PCMTD1: variants seen among roughly 807,000 people sequenced by gnomAD.
The protein encoded by PCMTD1 is protein-L-isoaspartate O-methyltransferase domain-containing protein 1.
PCMTD1 carries 12 observed loss-of-function variants against 37.6 expected under a neutral mutation model. That is an observed-to-expected ratio of 0.32 (90% CI 0.20 to 0.52). PCMTD1 has a LOEUF of 0.52. PCMTD1 is among the 20% of genes least tolerant of loss of function. The probability of loss-of-function intolerance (pLI) is 0.97; values close to 1 mark genes in which losing one functional copy is unlikely to be tolerated. For missense variants in PCMTD1, 235 were observed against 421.3 expected, an observed-to-expected ratio of 0.56 and a Z score of 3.87; for synonymous variants, 117 against 135.8, an observed-to-expected ratio of 0.86 and a Z score of 0.96.
chr8:51,895,939 T>G (rs1178385836), intron 1 of PCMTD1: 2 of 14,780 alleles, frequency 1.4e-4, no homozygotes, highest in East Asian at 3.0e-3. Flanking sequence ...GTCCCATTTC[T>G]TTTTTTTTTT....
At chr8:51,887,167 C>T (rs2038875941) in intron 1 of PCMTD1, among the ~76,000 whole-genome samples, 1 of 152,134 alleles carries the variant, frequency 6.6e-6, no homozygotes, top group African/African-American at 2.4e-5. Context: ...AACTTTAATT[C>T]ATCTGCAACC....
At chr8:51,861,501 C>T (rs370286208) in intron 1 of PCMTD1, among the ~76,000 whole-genome samples, 8 of 152,044 alleles carry the variant, frequency 5.3e-5, no homozygotes, top group Non-Finnish European at 7.4e-5. Context: ...CACCTAGTAC[C>T]GTGAAGCCCA....
At position 51,838,697 on chromosome 8, in the gene PCMTD1, T is replaced by C. The variant is rs1239839633; in HGVS notation, c.411-5008A>G. ...CCTTGACTATCTTCTGAAAACTGTA[T>C]GTTACCTAAGTTTCCATAAACCTAT... On this transcript the variant is annotated intron_variant, in intron 3 of 5. Coordinates refer to ENST00000522514, the MANE Select transcript of PCMTD1 (RefSeq NM_052937.4). 5.9e-5 allele frequency among the ~76,000 whole-genome samples: 9 copies of C among 152,278 alleles called. No individual in the cohort carries two copies. In the East Asian group the frequency reaches 1.7e-3, roughly 29 times the overall value.
chr8:51,842,306 A>G (rs1472155742), intron 3 of PCMTD1, among the ~76,000 whole-genome samples: 2 of 152,080 alleles, frequency 1.3e-5, no homozygotes, highest in African/African-American at 4.8e-5. Context: ...AAACACAGGA[A>G]TCAAGCTCTA....
intron 1 of PCMTD1, among the ~76,000 whole-genome samples, chr8:51,880,813 C>T (rs1039822256): frequency 6.6e-6 from 1 of 152,218 alleles, no homozygotes; most frequent in Non-Finnish European, 1.5e-5. Context: ...GTTTCTGTCC[C>T]AACTACTGAA....
rs776012249 is a variant in PCMTD1, at chr8:51,845,644, T to C, written c.410+17A>G. Reference sequence around the variant, plus strand: ...ATTAAGTGATTTTAAACCAAAACTATAGATATGAATACTTACTTATCAAAG... The same window carrying C: ...ATTAAGTGATTTTAAACCAAAACTACAGATATGAATACTTACTTATCAAAG... On this transcript the variant is annotated intron_variant, in intron 3 of 5. Transcript: ENST00000522514. 3.4e-5 allele frequency: 54 copies of C among 1,573,486 alleles called. No homozygotes were observed. In the East Asian group the frequency reaches 8.3e-4, roughly 24 times the overall value.
chr8:51,821,618 AT>A (rs1281090489), intron 5 of PCMTD1, among the ~76,000 whole-genome samples: 1 of 152,256 alleles, frequency 6.6e-6, no homozygotes, highest in Non-Finnish European at 1.5e-5. Context: ...CCCTGCACTT[AT>A]GCAACTTGCA....
chr8:51,897,960 A>G (rs2039031828), intron 1 of PCMTD1, among the ~76,000 whole-genome samples: 1 of 152,098 alleles, frequency 6.6e-6, no homozygotes, highest in African/African-American at 2.4e-5. Flanking sequence ...AATCCTGAAT[A>G]ACTACCCACC....
intron 2 of PCMTD1, among the ~76,000 whole-genome samples, chr8:51,858,052 G>A (rs1318205394): frequency 6.6e-6 from 1 of 152,132 alleles, no homozygotes; most frequent in East Asian, 1.9e-4. Context: ...TACTCTCACT[G>A]AATTCGTGTT....
chr8:51,853,220 T>G (rs1190840945), intron 2 of PCMTD1, among the ~76,000 whole-genome samples: 2 of 152,190 alleles, frequency 1.3e-5, no homozygotes, highest in African/African-American at 4.8e-5. Flanking sequence ...GGAGGGTAGA[T>G]GGACTGACCC....
chr8:51,831,559 C>T lies in PCMTD1; in HGVS notation c.591G>A (p.Gln197=), dbSNP rs1316570641. ...AAGTGTTCTGTCCAGTTCGCATAAT[C>T]TGTGTTAACTATTTAGAGAAAAAAA... The part of the protein sequence containing the change: ...LVMPIEDQLT[Q]IMRTGQNTWE... The change falls in exon 5 of 6, where the codon CAG becomes CAA. Residue 197 remains glutamine (Q), a synonymous_variant. Coordinates refer to ENST00000522514, the MANE Select transcript of PCMTD1 (RefSeq NM_052937.4). 1 of 1,610,554 alleles carries T rather than the reference C, an allele frequency of 6.2e-7. No individual in the cohort carries two copies. The highest frequency in any genetic ancestry group is 2.2e-5 in the East Asian group (1 of 44,782).
In PCMTD1 at chr8:51,895,934, A is replaced by ATTTTTTTTT. The variant is rs1563367741; in HGVS notation, c.-96+2995_-96+2996insAAAAAAAAA. ...CTTTATTAATGTTAGTATTTGTCCC[A>ATTTTTTTTT]TTTCTTTTTTTTTTTTTTTTTTTTT... is the stretch of plus-strand genomic sequence containing the variant. On this transcript the variant is annotated intron_variant, in intron 1 of 5. Coordinates refer to ENST00000522514, the MANE Select transcript of PCMTD1 (RefSeq NM_052937.4). 4 of 116,670 alleles carry ATTTTTTTTT rather than the reference A, an allele frequency of 3.4e-5. 2 individuals are homozygous for ATTTTTTTTT. 7.2% of individuals were successfully genotyped at this position (116,670 alleles called of 1,614,324 possible).
chr8:51,898,367 G>A (rs1313186802), intron 1 of PCMTD1, among the ~76,000 whole-genome samples: 3 of 152,156 alleles, frequency 2.0e-5, no homozygotes, highest in Middle Eastern at 3.4e-3. Context: ...GGTAGTAGAC[G>A]CTCAAAAACA....
At position 51,867,005 on chromosome 8, in the gene PCMTD1, T is replaced by A. The variant is rs79616619; in HGVS notation, c.-95-5759A>T. ...ATTCAAAATATAAAATGAACTCAAC[T>A]GAATAGCAAGAAAACAAATATGCCA... On this transcript the variant is annotated intron_variant, in intron 1 of 5. Coordinates refer to ENST00000522514, the MANE Select transcript of PCMTD1 (RefSeq NM_052937.4). Among the ~76,000 whole-genome samples, 1,256 of 152,074 alleles carry A rather than the reference T, an allele frequency of 8.3e-3. 14 individuals are homozygous for A. Among genetic ancestry groups the A allele is most frequent in the East Asian group, 0.048 (247 of 5,172 alleles).
chr8:51,817,685 C>T lies in PCMTD1; in HGVS notation c.*2666G>A, dbSNP rs1400047150. On this transcript the variant is annotated 3_prime_UTR_variant, in exon 6 of 6. Transcript: ENST00000522514. Reference sequence around the variant, plus strand: ...CATCTCAAACAGCTATAAATCAACACACTTTTTGTATTTTATTTTACTACT... The same window carrying T: ...CATCTCAAACAGCTATAAATCAACATACTTTTTGTATTTTATTTTACTACT... The T allele has an allele frequency of 1.5e-5, 4 of 265,410 alleles. No individual in the cohort carries two copies. The highest frequency in any genetic ancestry group is 3.0e-5 in the Non-Finnish European group (4 of 133,916). The allele number at this position is 265,410 out of a possible 1,614,324, so 16.4% of individuals were successfully genotyped here.
Position 51,868,938 on chromosome 8 carries a change from G to A in PCMTD1, c.-95-7692C>T, listed in dbSNP as rs377591701. 2.6e-5 allele frequency among the ~76,000 whole-genome samples: 4 copies of A among 152,154 alleles called. No individual in the cohort carries two copies. In the East Asian group the frequency reaches 7.7e-4, roughly 29 times the overall value. On this transcript the variant is annotated intron_variant, in intron 1 of 5. Coordinates refer to ENST00000522514, the MANE Select transcript of PCMTD1 (RefSeq NM_052937.4). ...ATATACTTCGTTTTTTTAAACATATGACTGGTATTATACTGTATATATTGT... is the reference window on the plus strand; with the variant it reads ...ATATACTTCGTTTTTTTAAACATATAACTGGTATTATACTGTATATATTGT...
chr8:51,878,487 C>T (rs112760554), intron 1 of PCMTD1, among the ~76,000 whole-genome samples: 156 of 152,250 alleles, frequency 1.0e-3, no homozygotes, highest in African/African-American at 3.5e-3. Flanking sequence ...ATCTTCATGC[C>T]TGTAATCCCA....
intron 3 of PCMTD1, among the ~76,000 whole-genome samples, chr8:51,844,331 G>A (rs1318240822): frequency 6.6e-6 from 1 of 152,132 alleles, no homozygotes; most frequent in Non-Finnish European, 1.5e-5. Flanking sequence ...ATAAGATACA[G>A]GATGGTGCTC....
At chr8:51,824,452 A>G (rs533333922) in intron 5 of PCMTD1, among the ~76,000 whole-genome samples, 2 of 152,294 alleles carry the variant, frequency 1.3e-5, no homozygotes, top group South Asian at 4.1e-4. Context: ...CGCAATTGCT[A>G]CTAAGAGAAT....
Sources: gnomAD v4.1 joint callset for allele counts (sites outside exome capture counted in the v4.1 genomes callset) on GRCh38, gnomAD v4.1.1 for gene constraint, MANE v1.5 for transcripts, NCBI Gene and HGNC (gene_info 2026-07-23, HGNC 2026-07-21) for gene names.